CCSER1: variants seen among roughly 807,000 people sequenced by gnomAD.
CCSER1 encodes serine-rich coiled-coil domain-containing protein 1.
CCSER1 carries 41 observed loss-of-function variants against 82.0 expected under a neutral mutation model. The ratio of observed to expected loss-of-function variants is 0.50; its 90% CI spans 0.39 to 0.65. The LOEUF (loss-of-function observed/expected upper bound fraction) is 0.65. CCSER1 is among the 30% of genes least tolerant of loss of function. The probability of loss-of-function intolerance (pLI) is 0.00; values close to 1 mark genes in which losing one functional copy is unlikely to be tolerated. For synonymous variants in CCSER1, 414 were observed against 383.9 expected, an observed-to-expected ratio of 1.08 and a Z score of -0.92; for missense variants, 1,119 against 1,064.2, an observed-to-expected ratio of 1.05 and a Z score of -0.72.
At chr4:91,048,564 G>A (rs1411520298) in intron 9 of CCSER1, among the ~76,000 whole-genome samples, 1 of 152,026 alleles carries the variant, frequency 6.6e-6, no homozygotes, top group African/African-American at 2.4e-5. Context: ...CCCATGGACA[G>A]GCTACAATAA....
At chr4:91,542,942 C>T (rs987912854) in intron 10 of CCSER1, among the ~76,000 whole-genome samples, 5 of 152,142 alleles carry the variant, frequency 3.3e-5, no homozygotes, top group Non-Finnish European at 7.3e-5. Flanking sequence ...GTCTAAGTCT[C>T]TTTCTAGGTC....
At chr4:90,425,686 C>T (rs1757424498) in intron 4 of CCSER1, among the ~76,000 whole-genome samples, 1 of 152,146 alleles carries the variant, frequency 6.6e-6, no homozygotes, top group Non-Finnish European at 1.5e-5. Flanking sequence ...TGCTGACCCA[C>T]CAAACTGATC....
intron 10 of CCSER1, among the ~76,000 whole-genome samples, chr4:91,283,827 G>A (rs1374099946): frequency 2.6e-5 from 4 of 151,950 alleles, no homozygotes; most frequent in Admixed American, 2.6e-4. Flanking sequence ...TTATGGAAGT[G>A]CTCCTGTACC....
intron 10 of CCSER1, among the ~76,000 whole-genome samples, chr4:91,573,329 G>A (rs1264696541): frequency 6.6e-6 from 1 of 152,162 alleles, no homozygotes; most frequent in African/African-American, 2.4e-5. Context: ...AGACACCAAG[G>A]AAGTAAATCC....
intron 8 of CCSER1, among the ~76,000 whole-genome samples, chr4:90,825,453 T>G (rs565125462): frequency 1.3e-5 from 2 of 152,140 alleles, no homozygotes; most frequent in Non-Finnish European, 2.9e-5. Context: ...AAGTAGTCAG[T>G]GGGACATAAT....
intron 6 of CCSER1, among the ~76,000 whole-genome samples, chr4:90,706,047 G>T (rs1343326099): frequency 1.3e-5 from 2 of 152,132 alleles, no homozygotes; most frequent in Non-Finnish European, 2.9e-5. Flanking sequence ...TGCAGAAATC[G>T]CCCATCTTCT....
intron 6 of CCSER1, among the ~76,000 whole-genome samples, chr4:90,652,103 C>A (rs753062729): frequency 8.5e-5 from 13 of 152,108 alleles, no homozygotes; most frequent in Admixed American, 2.6e-4. Flanking sequence ...AAATATCAGA[C>A]CCCTCACAGT....
intron 10 of CCSER1, among the ~76,000 whole-genome samples, chr4:91,390,474 A>T (rs6820807): frequency 0.77 from 117,220 of 151,730 alleles, 45,861 homozygotes; most frequent in African/African-American, 0.9. Context: ...TATGTGTTAA[A>T]GAAAGGTATC....
chr4:90,786,459 A>G (rs1754532650), intron 7 of CCSER1, among the ~76,000 whole-genome samples: 1 of 152,138 alleles, frequency 6.6e-6, no homozygotes, highest in Non-Finnish European at 1.5e-5. Context: ...TATTTTTTCT[A>G]GTACTTAGAG....
intron 10 of CCSER1, among the ~76,000 whole-genome samples, chr4:91,272,597 TTTAA>T (rs1419097690): frequency 9.2e-5 from 14 of 152,246 alleles, no homozygotes; most frequent in African/African-American, 1.4e-4. Flanking sequence ...ACCTCTTTAG[TTTAA>T]TTAAGTCCCG....
intron 9 of CCSER1, among the ~76,000 whole-genome samples, chr4:91,054,758 A>G (rs1237753384): frequency 1.3e-5 from 2 of 151,928 alleles, no homozygotes; most frequent in Non-Finnish European, 2.9e-5. Context: ...TTTGCATTGT[A>G]TTTACTAATC....
intron 6 of CCSER1, among the ~76,000 whole-genome samples, chr4:90,659,664 C>G (rs1230590980): frequency 1.3e-5 from 2 of 151,986 alleles, no homozygotes; most frequent in Non-Finnish European, 2.9e-5. Flanking sequence ...TGAATATTAC[C>G]TAGATAGCCT....
At chr4:90,745,782 T>C (rs1022836566) in intron 7 of CCSER1, among the ~76,000 whole-genome samples, 5 of 143,898 alleles carry the variant, frequency 3.5e-5, no homozygotes, top group African/African-American at 1.3e-4. Context: ...CTCCGCCTCC[T>C]GGGCTCACGC....
At chr4:91,170,338 T>A (rs369480274) in intron 10 of CCSER1, among the ~76,000 whole-genome samples, 3 of 152,312 alleles carry the variant, frequency 2.0e-5, no homozygotes, top group East Asian at 3.9e-4. Context: ...AATCATGCAC[T>A]GTATACAAAT....
At chr4:90,717,491 G>A (rs141184287) in intron 6 of CCSER1, among the ~76,000 whole-genome samples, 105 of 152,104 alleles carry the variant, frequency 6.9e-4, no homozygotes, top group African/African-American at 2.2e-3. Flanking sequence ...ATTTCCTATC[G>A]CTCTTGTTTT....
intron 7 of CCSER1, among the ~76,000 whole-genome samples, chr4:90,746,977 A>T (rs1488651933): frequency 2.6e-5 from 4 of 152,184 alleles, no homozygotes; most frequent in African/African-American, 9.7e-5. Context: ...TAACTACTGT[A>T]CTATTTTATT....
intron 1 of CCSER1, among the ~76,000 whole-genome samples, chr4:90,281,777 A>G (rs1407561107): frequency 6.6e-6 from 1 of 152,000 alleles, no homozygotes; most frequent in Non-Finnish European, 1.5e-5. Flanking sequence ...TAGATTTTGT[A>G]CTCATTTACA....
intron 3 of CCSER1, among the ~76,000 whole-genome samples, chr4:90,373,164 G>T (rs1479960044): frequency 6.6e-6 from 1 of 152,068 alleles, no homozygotes; most frequent in African/African-American, 2.4e-5. Flanking sequence ...TATAGGGAGT[G>T]TATGTGTGTG....
chr4:91,265,233 A>G (rs1037414973), intron 10 of CCSER1, among the ~76,000 whole-genome samples: 1 of 152,034 alleles, frequency 6.6e-6, no homozygotes, highest in Non-Finnish European at 1.5e-5. Flanking sequence ...TTAATTTAGA[A>G]CTGTTTCAGT....
Sources: allele counts gnomAD v4.1 joint callset (sites outside exome capture counted in the v4.1 genomes callset), GRCh38; gene constraint gnomAD v4.1.1; transcripts MANE v1.5; gene names NCBI Gene and HGNC (gene_info 2026-07-23, HGNC 2026-07-21).